Variants in RANBP2 observed in about 807,000 individuals in gnomAD.
The protein encoded by RANBP2 is RAN binding protein 2, also known as E3 SUMO-protein ligase RanBP2.
A neutral mutation model predicts 303.6 loss-of-function variants in RANBP2; 57 were observed. The ratio of observed to expected loss-of-function variants is 0.19; its 90% CI spans 0.15 to 0.23. The LOEUF is 0.23. Among genes scored for constraint, RANBP2 ranks in the 10% least tolerant of loss-of-function variants. RANBP2 has a pLI of 1.00. For missense variants in RANBP2, 3,138 were observed against 3,780.8 expected (o/e 0.83, Z 4.46); for synonymous variants, 1,167 against 1,301.5 (o/e 0.90, Z 2.23).
the RANBP2 span, among the ~76,000 whole-genome samples, chr2:109,117,605 G>A: frequency 9.7e-4 from 147 of 152,220 alleles, 1 homozygote; most frequent in Non-Finnish European, 9.4e-4. Flanking sequence ...GCAATGCCTC[G>A]CCCTGCTTCA....
At chr2:109,101,766 G>A in the RANBP2 span, among the ~76,000 whole-genome samples, 4 of 152,178 alleles carry the variant, frequency 2.6e-5, no homozygotes, top group Non-Finnish European at 4.4e-5. Context: ...GGAGACTGCC[G>A]GAGAGAGCCG....
chr2:109,345,664 CA>C, the RANBP2 span, among the ~76,000 whole-genome samples: 3 of 152,176 alleles, frequency 2.0e-5, no homozygotes, highest in African/African-American at 7.2e-5. Flanking sequence ...TCCATGTAGC[CA>C]ATAGTGAAAA....
At chr2:108,893,042 T>G in the RANBP2 span, among the ~76,000 whole-genome samples, 1 of 152,202 alleles carries the variant, frequency 6.6e-6, no homozygotes, top group Non-Finnish European at 1.5e-5. Context: ...GTTCACAAAA[T>G]AAAGAAAGAG....
the RANBP2 span, among the ~76,000 whole-genome samples, chr2:109,040,778 A>G: frequency 6.9e-3 from 1,044 of 152,336 alleles, 6 homozygotes; most frequent in East Asian, 0.035. Flanking sequence ...AAGATAGGCC[A>G]GGCGCGGTGG....
At chr2:109,449,060 G>T in the RANBP2 span, 1 of 1,301,396 alleles carries the variant, frequency 7.7e-7, no homozygotes, top group Non-Finnish European at 1.1e-6. Context: ...TTCAGAGAGA[G>T]GCTGTGAGTG....
chr2:109,636,687 CA>C, the RANBP2 span, among the ~76,000 whole-genome samples: 1 of 152,128 alleles, frequency 6.6e-6, no homozygotes, highest in Non-Finnish European at 1.5e-5. Context: ...CCTATAATCC[CA>C]GCACTTTGGG....
the RANBP2 span, among the ~76,000 whole-genome samples, chr2:109,214,655 T>G: frequency 6.6e-6 from 1 of 152,062 alleles, no homozygotes; most frequent in Non-Finnish European, 1.5e-5. Flanking sequence ...TGCCTGACAC[T>G]CTTGCTGGCA....
At chr2:108,782,913 C>T (rs1226791075) in intron 28 of RANBP2, 51 bp downstream of exon 28, 1 of 1,468,138 alleles carries the variant, frequency 6.8e-7, no homozygotes, top group Admixed American at 1.7e-5. Flanking sequence ...GAGTGCACCA[C>T]ACTAATGGGA....
the RANBP2 span, among the ~76,000 whole-genome samples, chr2:109,395,041 T>C: frequency 6.6e-6 from 1 of 152,208 alleles, no homozygotes; most frequent in African/African-American, 2.4e-5. Context: ...CAGGCCCAGC[T>C]TTATGACGTG....
chr2:109,089,200 G>A, the RANBP2 span, among the ~76,000 whole-genome samples: 1 of 152,178 alleles, frequency 6.6e-6, no homozygotes, highest in Non-Finnish European at 1.5e-5. Context: ...CAATTCCAGT[G>A]AGGGCAGGAG....
the RANBP2 span, among the ~76,000 whole-genome samples, chr2:109,475,624 C>T: frequency 6.6e-6 from 1 of 152,250 alleles, no homozygotes; most frequent in Non-Finnish European, 1.5e-5. Flanking sequence ...AGATAATCCT[C>T]TGTTTTGAGG....
the RANBP2 span, among the ~76,000 whole-genome samples, chr2:109,285,021 C>T: frequency 9.8e-3 from 1,491 of 152,344 alleles, 25 homozygotes; most frequent in African/African-American, 0.034. Flanking sequence ...GTTGTCTGTG[C>T]GCTGTGCCGC....
the RANBP2 span, among the ~76,000 whole-genome samples, chr2:109,600,610 T>C: frequency 1.3e-5 from 2 of 151,580 alleles, no homozygotes; most frequent in East Asian, 1.9e-4. Flanking sequence ...TGACCAAATG[T>C]GGGAAGTTTT....
chr2:109,417,579 A>G, the RANBP2 span, among the ~76,000 whole-genome samples: 3 of 152,080 alleles, frequency 2.0e-5, no homozygotes, highest in Non-Finnish European at 2.9e-5. Context: ...GCCTCTGGAC[A>G]CCTGGCTCTC....
the RANBP2 span, among the ~76,000 whole-genome samples, chr2:108,991,689 A>G: frequency 6.6e-6 from 1 of 152,240 alleles, no homozygotes; most frequent in Non-Finnish European, 1.5e-5. Context: ...TTAGAGAGTC[A>G]ATGGACTCCC....
At chr2:109,712,160 G>A in the RANBP2 span, among the ~76,000 whole-genome samples, 1 of 152,170 alleles carries the variant, frequency 6.6e-6, no homozygotes, top group Non-Finnish European at 1.5e-5. Context: ...GTTAAAACAG[G>A]CCTCCTATAA....
chr2:108,746,569 T>C (rs826561), intron 7 of RANBP2, 142 bp from the exon 8 acceptor site: 131,190 of 556,678 alleles, frequency 0.24, 16,361 homozygotes, highest in African/African-American at 0.34. Flanking sequence ...TTCCCAGTTT[T>C]TGCAGTCTTT....
At chr2:109,687,817 A>G in the RANBP2 span, among the ~76,000 whole-genome samples, 1 of 148,610 alleles carries the variant, frequency 6.7e-6, no homozygotes, top group Non-Finnish European at 1.5e-5. Flanking sequence ...ATCATGGCTC[A>G]CTGCAGCCTC....
At chr2:109,393,936 T>C in the RANBP2 span, among the ~76,000 whole-genome samples, 1 of 151,512 alleles carries the variant, frequency 6.6e-6, no homozygotes, top group Non-Finnish European at 1.5e-5. Flanking sequence ...GGGGTGACTA[T>C]ACTCTGGCGC....
Sources: allele counts gnomAD v4.1 joint callset (sites outside exome capture counted in the v4.1 genomes callset), GRCh38; gene constraint gnomAD v4.1.1; transcripts MANE v1.5; gene names NCBI Gene and HGNC (gene_info 2026-07-23, HGNC 2026-07-21).